SCN1A: variants seen among roughly 807,000 people sequenced by gnomAD.
SCN1A encodes sodium voltage-gated channel alpha subunit 1.
SCN1A carries 13 observed loss-of-function variants against 193.7 expected under a neutral mutation model. The observed-to-expected ratio is 0.07, with a 90% confidence interval of 0.04 to 0.11. The LOEUF (loss-of-function observed/expected upper bound fraction) is 0.11, where lower values mean the gene tolerates loss of function less well. Among genes scored for constraint, SCN1A ranks in the 10% least tolerant of loss-of-function variants. The probability of loss-of-function intolerance (pLI) is 1.00; values close to 1 mark genes in which losing one functional copy is unlikely to be tolerated. For synonymous variants in SCN1A, 781 were observed against 843.6 expected (o/e 0.93, Z 1.29); for missense variants, 1,432 against 2,451.1 (o/e 0.58, Z 8.78).
downstream of SCN1A, chr2:165,984,945 A>G (rs2105394545): frequency 6.6e-6 from 1 of 152,324 alleles, no homozygotes; most frequent in Non-Finnish European, 1.5e-5. Flanking sequence ...AAATTTTCCC[A>G]TAAATATCAC....
intron 9 of SCN1A, among the ~76,000 whole-genome samples, chr2:166,050,861 A>G: frequency 6.6e-6 from 1 of 151,496 alleles, no homozygotes; most frequent in African/African-American, 2.4e-5. Flanking sequence ...TAAATATAAG[A>G]ATAAGATTTA....
intron 18 of SCN1A, 23 bp downstream of exon 18, chr2:166,037,753 G>C (rs1265780515): frequency 1.2e-6 from 2 of 1,609,240 alleles, no homozygotes; most frequent in Admixed American, 3.3e-5. Context: ...TTTCCAAAAT[G>C]CATATCTTAA....
In SCN1A at chr2:165,988,609, A is replaced by G. The variant is rs13006006; in HGVS notation, c.*2636T>C. ...AAGGAATTGGAGAAGAAATATTCCT[A>G]TGTCAATCTTCTCTCTCTGGTGCTT... On this transcript the variant is annotated 3_prime_UTR_variant, in exon 29 of 29. Transcript: ENST00000674923. 0.23 allele frequency: 35,412 copies of G among 152,040 alleles called. 4,652 individuals carry two copies. Among genetic ancestry groups the G allele is most frequent in the Middle Eastern group, 0.41 (121 of 292 alleles). The allele number at this position is 152,040 out of a possible 1,614,324, so 9.4% of individuals were successfully genotyped here.
rs1217462449 is a variant in SCN1A at position 165,992,462 on chromosome 2, C to G, written c.4853-40G>C. On this transcript the variant is annotated intron_variant, in intron 28 of 28. Transcript: ENST00000674923. This position sits in a 1 kb window ranked among gnomAD's most constrained non-coding sequence, Gnocchi z 6.5. Reference sequence around the variant, plus strand: ...TGAGAATACCAACCAGTGAAGAAATCATGCGTTAAAATAAACATATGTTTC... The same window carrying G: ...TGAGAATACCAACCAGTGAAGAAATGATGCGTTAAAATAAACATATGTTTC... 6.2e-7 allele frequency: 1 copy of G among 1,609,774 alleles called. No individual in the cohort carries two copies.
rs1198826532 is a variant in SCN1A, at chr2:165,994,313, G to C, written c.4685C>G (p.Thr1562Arg). 3 of 1,613,128 alleles carry C rather than the reference G, an allele frequency of 1.9e-6. No individual in the cohort carries two copies. Among genetic ancestry groups the C allele is most frequent in the Admixed American group, 1.7e-5 (1 of 59,870 alleles). The stretch of plus-strand genomic sequence containing the variant: ...AGTCACATATTCACTCTGGTCATCT[G>C]TTTCCACCATCATTGTGACCATGTT... ...CLNMVTMMVE[T>R]DDQSEYVTTI... Residue 1562 changes from threonine to arginine, a missense_variant, in exon 28 of 29, where the codon ACA becomes AGA. This residue lies in a region of SCN1A where 85 missense variants were observed against 119.1 expected (regional missense o/e 0.71). Coordinates refer to ENST00000674923, the MANE Select transcript of SCN1A (RefSeq NM_001165963.4).
intron 1 of SCN1A, among the ~76,000 whole-genome samples, chr2:166,142,257 C>A (rs6432877): frequency 1.3e-5 from 2 of 151,942 alleles, no homozygotes; most frequent in Non-Finnish European, 2.9e-5. Flanking sequence ...AAGATAAAAC[C>A]AAATAGTTTG....
In SCN1A at chr2:166,087,936, G is replaced by A. The variant is rs35315518; in HGVS notation, c.-141-10135C>T. ...CTTGGATCTTTACTTGGAAATTTAG[G>A]TATTCCTGATTTTAACAGATTCATT... On this transcript the variant is annotated intron_variant, in intron 2 of 28. Transcript: ENST00000674923. Among the ~76,000 whole-genome samples the A allele has an allele frequency of 4.5e-3, 682 of 152,182 alleles. 2 individuals are homozygous for A. The highest frequency in any genetic ancestry group is 0.012 in the Admixed American group (181 of 15,270).
In SCN1A at chr2:165,994,486, T is replaced by C. The variant is rs1689743674; in HGVS notation, c.4582-70A>G. ...ATGTGCATTAGCATTAAGTACTTTC[T>C]GCATTAATTGACTTTCTAGTTTCTT... On this transcript the variant is annotated intron_variant, in intron 27 of 28. Transcript: ENST00000674923. 4 of 1,429,720 alleles carry C rather than the reference T, an allele frequency of 2.8e-6. No individual in the cohort carries two copies. The Admixed American group carries it at 7.0e-5, about 25-fold the overall frequency. 88.6% of individuals were successfully genotyped at this position (1,429,720 alleles called of 1,614,324 possible).
chr2:166,113,804 G>A (rs1051568496), intron 2 of SCN1A, among the ~76,000 whole-genome samples: 2 of 152,044 alleles, frequency 1.3e-5, no homozygotes, highest in Non-Finnish European at 2.9e-5. Flanking sequence ...TGCACTGAAG[G>A]CCGTAACTTC....
chr2:166,140,137 A>G (rs754313845), intron 1 of SCN1A, among the ~76,000 whole-genome samples: 4 of 152,182 alleles, frequency 2.6e-5, no homozygotes, highest in African/African-American at 7.2e-5. Context: ...CCAAGATCAC[A>G]CAGTAACGAG....
chr2:166,089,699 A>C (rs1164353442), intron 2 of SCN1A, among the ~76,000 whole-genome samples: 1 of 152,152 alleles, frequency 6.6e-6, no homozygotes, highest in Non-Finnish European at 1.5e-5. Context: ...CTATATAAAA[A>C]GATGGAATGG....
At chr2:166,077,109 G>A (rs139549712) in intron 3 of SCN1A, 1 of 151,920 alleles carries the variant, frequency 6.6e-6, no homozygotes, top group East Asian at 1.9e-4. Context: ...AGGAGGAATT[G>A]TGCCAGCTTG....
chr2:166,088,322 C>T (rs1337777551), intron 2 of SCN1A, among the ~76,000 whole-genome samples: 1 of 152,110 alleles, frequency 6.6e-6, no homozygotes, highest in Non-Finnish European at 1.5e-5. Context: ...AATGCATGTC[C>T]TGCATTCTCT....
chr2:166,005,541 T>G (rs1691543166), intron 23 of SCN1A, among the ~76,000 whole-genome samples: 1 of 151,310 alleles, frequency 6.6e-6, no homozygotes, highest in Non-Finnish European at 1.5e-5. Context: ...AAAGTTTTAT[T>G]TTTTTTGTGA....
chr2:166,103,509 A>G (rs1049218845), intron 2 of SCN1A, among the ~76,000 whole-genome samples: 9 of 151,906 alleles, frequency 5.9e-5, no homozygotes, highest in African/African-American at 2.2e-4. Flanking sequence ...AGGAAGTATA[A>G]CAATAAGTTA....
intron 1 of SCN1A, among the ~76,000 whole-genome samples, chr2:166,138,788 T>A (rs915892904): frequency 7.9e-5 from 12 of 152,070 alleles, no homozygotes; most frequent in Admixed American, 5.9e-4. Context: ...GAATGGTAGA[T>A]CCACTGACAG....
chr2:166,042,401 C>T lies in SCN1A; in HGVS notation c.2067G>A (p.Met689Ile). 6.2e-7 allele frequency: 1 copy of T among 1,613,840 alleles called. No individual in the cohort carries two copies. The highest frequency in any genetic ancestry group is 1.1e-5 in the South Asian group (1 of 91,082). The change falls in exon 15 of 29, where the codon ATG becomes ATA. Residue 689 changes from methionine to isoleucine, a missense_variant. Met to Ile is a conservative substitution (Grantham distance 10, BLOSUM62 1). Coordinates refer to ENST00000674923, the MANE Select transcript of SCN1A (RefSeq NM_001165963.4). ...DDNGTTTETE[M>I]RKRRSSSFHV... is the part of the protein sequence containing the mutation. ...GGAAAGAACTTGACCTTCTCTTTCT[C>T]ATTTCAGTTTCAGTGGTTGTTCCCT...
chr2:166,086,929 C>A (rs982042811), intron 2 of SCN1A, among the ~76,000 whole-genome samples: 3 of 152,078 alleles, frequency 2.0e-5, no homozygotes, highest in Non-Finnish European at 2.9e-5. Flanking sequence ...ACATCTGTCA[C>A]AGCAGATGTG....
rs376301638 is a variant in SCN1A, at chr2:166,056,397, T to C, written c.473+14A>G. On this transcript the variant is annotated intron_variant, in intron 6 of 28. Transcript: ENST00000674923. ...AAATGTATATATGTTATTAAAAATA[T>C]AAGTTGAACTTACTCTACATTCTTT... 15 of 1,459,170 alleles carry C rather than the reference T, an allele frequency of 1.0e-5. No homozygotes were observed. Among genetic ancestry groups the C allele is most frequent in the Non-Finnish European group, 1.4e-5 (15 of 1,039,478 alleles). The allele number at this position is 1,459,170 out of a possible 1,614,324, so 90.4% of individuals were successfully genotyped here.
Sources: allele counts gnomAD v4.1 joint callset (sites outside exome capture counted in the v4.1 genomes callset), GRCh38; gene constraint gnomAD v4.1.1; regional missense constraint gnomAD v4.1.1; non-coding constraint Gnocchi (gnomAD v3.1); transcripts MANE v1.5; gene names NCBI Gene and HGNC (gene_info 2026-07-23, HGNC 2026-07-21).